The following KLHL32 variants were observed in gnomAD, a reference collection of about 807,000 sequenced individuals.
KLHL32 encodes the protein kelch like family member 32.
Under a neutral mutation model 64.8 loss-of-function variants are expected in KLHL32, and 35 were observed. The observed-to-expected ratio is 0.54, with a 90% CI of 0.41 to 0.72. KLHL32 has a LOEUF of 0.72. KLHL32 is among the 30% of genes least tolerant of loss of function. KLHL32 has a pLI of 0.00. For missense variants in KLHL32, 589 were observed against 768.5 expected, an observed-to-expected ratio of 0.77 and a Z score of 2.76; for synonymous variants, 259 against 281.0, an observed-to-expected ratio of 0.92 and a Z score of 0.78.
chr6:97,111,070 G>T (rs1289516528), intron 6 of KLHL32, among the ~76,000 whole-genome samples: 1 of 152,096 alleles, frequency 6.6e-6, no homozygotes. Context: ...TTACATCTGG[G>T]ACTGGGTCCA....
chr6:96,937,906 T>G (rs1302323423), intron 1 of KLHL32, among the ~76,000 whole-genome samples: 1 of 152,228 alleles, frequency 6.6e-6, no homozygotes, highest in Non-Finnish European at 1.5e-5. Flanking sequence ...ATAGCTTGAT[T>G]GGTCTCAAAA....
At chr6:96,986,921 AC>A (rs1562218028) in intron 3 of KLHL32, among the ~76,000 whole-genome samples, 1 of 152,052 alleles carries the variant, frequency 6.6e-6, no homozygotes, top group Non-Finnish European at 1.5e-5. Flanking sequence ...TGAACCCAGT[AC>A]CTCAGTTGGA....
chr6:97,073,622 A>T (rs1351393077), intron 5 of KLHL32, among the ~76,000 whole-genome samples: 1 of 152,136 alleles, frequency 6.6e-6, no homozygotes, highest in African/African-American at 2.4e-5. Flanking sequence ...GTCTGATTGG[A>T]TTCCTTCTGC....
chr6:96,960,590 CA>C (rs1360426788), intron 1 of KLHL32, among the ~76,000 whole-genome samples: 1 of 152,132 alleles, frequency 6.6e-6, no homozygotes, highest in Non-Finnish European at 1.5e-5. Context: ...CCAGTGTTGG[CA>C]AAAAGAGTCA....
intron 1 of KLHL32, among the ~76,000 whole-genome samples, chr6:96,932,674 C>A (rs967482259): frequency 1.6e-4 from 24 of 149,806 alleles, no homozygotes; most frequent in African/African-American, 5.2e-4. Context: ...TCAAGCAATC[C>A]TACCACCTCA....
intron 6 of KLHL32, among the ~76,000 whole-genome samples, chr6:97,086,245 T>A (rs1793396726): frequency 6.6e-6 from 1 of 152,236 alleles, no homozygotes. Flanking sequence ...TCTTATCAAG[T>A]AATATTTAGA....
chr6:97,107,459 G>C (rs1283825062), intron 6 of KLHL32, among the ~76,000 whole-genome samples: 1 of 152,144 alleles, frequency 6.6e-6, no homozygotes, highest in Non-Finnish European at 1.5e-5. Flanking sequence ...TGTATGACTT[G>C]GGTTAAGTCG....
intron 3 of KLHL32, among the ~76,000 whole-genome samples, chr6:97,013,130 T>G: frequency 6.6e-6 from 1 of 152,216 alleles, no homozygotes; most frequent in Non-Finnish European, 1.5e-5. Context: ...TAAATGCTCT[T>G]AAAATAATTG....
At chr6:97,116,774 A>G (rs1036346133) in intron 7 of KLHL32, among the ~76,000 whole-genome samples, 1 of 152,172 alleles carries the variant, frequency 6.6e-6, no homozygotes, top group African/African-American at 2.4e-5. Context: ...ATATGTGTCT[A>G]TATGTTTCCT....
intron 1 of KLHL32, among the ~76,000 whole-genome samples, chr6:96,962,908 G>A (rs1295836525): frequency 6.6e-6 from 1 of 152,192 alleles, no homozygotes; most frequent in Admixed American, 6.5e-5. Context: ...TTATTTGGTT[G>A]TATTTTTCAT....
intron 3 of KLHL32, among the ~76,000 whole-genome samples, chr6:97,018,952 G>A (rs572921948): frequency 1.4e-4 from 22 of 152,138 alleles, no homozygotes; most frequent in Non-Finnish European, 2.8e-4. Flanking sequence ...AAATGTAGAC[G>A]GAAGATATGG....
chr6:96,998,287 T>A (rs1401945647), intron 3 of KLHL32, among the ~76,000 whole-genome samples: 2 of 152,220 alleles, frequency 1.3e-5, no homozygotes, highest in Non-Finnish European at 2.9e-5. Flanking sequence ...TCTGGGCACA[T>A]ACTAAGCAGT....
chr6:97,090,517 C>T (rs1027303690), intron 6 of KLHL32, among the ~76,000 whole-genome samples: 8 of 152,048 alleles, frequency 5.3e-5, no homozygotes, highest in African/African-American at 1.9e-4. Flanking sequence ...AGAAGTGAAC[C>T]CAAACAAAAA....
chr6:96,995,030 T>A (rs1269007645), intron 3 of KLHL32, among the ~76,000 whole-genome samples: 1 of 152,228 alleles, frequency 6.6e-6, no homozygotes, highest in Non-Finnish European at 1.5e-5. Flanking sequence ...CACTATCCAT[T>A]CTATGAACAT....
At chr6:97,024,371 C>T (rs1274984301) in intron 3 of KLHL32, among the ~76,000 whole-genome samples, 4 of 149,922 alleles carry the variant, frequency 2.7e-5, no homozygotes, top group Admixed American at 2.7e-4. Context: ...ACCTTGTGAA[C>T]ATGAAGAAGT....
At chr6:97,019,340 G>A (rs1781672497) in intron 3 of KLHL32, among the ~76,000 whole-genome samples, 1 of 152,240 alleles carries the variant, frequency 6.6e-6, no homozygotes. Context: ...GGGAGGTAAA[G>A]AAGGCAGGAA....
chr6:96,903,204 T>A, the KLHL32 span, among the ~76,000 whole-genome samples: 1 of 151,888 alleles, frequency 6.6e-6, no homozygotes, highest in East Asian at 1.9e-4. Context: ...ACATTAAGAA[T>A]TTTTTGGAAA....
intron 7 of KLHL32, among the ~76,000 whole-genome samples, chr6:97,123,767 C>G (rs1798609469): frequency 6.6e-6 from 1 of 152,178 alleles, no homozygotes; most frequent in South Asian, 2.1e-4. Context: ...TGGAATCTAT[C>G]TTTGCAAGTG....
rs771250392 is a variant in KLHL32, at chr6:97,114,191, G to C, written c.1036G>C (p.Asp346His). The C allele has an allele frequency of 1.8e-5, 29 of 1,614,186 alleles. No individual in the cohort carries two copies. In the Admixed American group the frequency reaches 4.7e-4, roughly 26 times the overall value. The change falls in exon 7 of 11, where the codon GAC becomes CAC. Residue 346 changes from aspartate (D) to histidine (H), a missense_variant. Physicochemically the swap from Asp to His is moderately conservative, Grantham distance 81. Around this residue, in one of 3 missense-constraint regions of KLHL32, gnomAD observed 226 missense variants for 353.2 expected, o/e 0.64. Transcript: ENST00000369261. ...RSHHCVAVMGDFLFVAGGEVE... is the reference protein window; with the variant it reads ...RSHHCVAVMGHFLFVAGGEVE... ...CCACCATTGTGTGGCAGTCATGGGGGACTTCCTGTTTGTGGCAGGAGGGGA... is the reference window on the plus strand; with the variant it reads ...CCACCATTGTGTGGCAGTCATGGGGCACTTCCTGTTTGTGGCAGGAGGGGA...
Sources: allele counts gnomAD v4.1 joint callset (sites outside exome capture counted in the v4.1 genomes callset), GRCh38; gene constraint gnomAD v4.1.1; regional missense constraint gnomAD v4.1.1; transcripts MANE v1.5; gene names NCBI Gene and HGNC (gene_info 2026-07-23, HGNC 2026-07-21).